Variants in DPH6 observed in about 807,000 individuals in gnomAD.
The protein encoded by DPH6 is diphthamine biosynthesis 6, also known as diphthine--ammonia ligase.
A neutral mutation model predicts 38.2 loss-of-function variants in DPH6; 33 were observed. The observed-to-expected ratio is 0.86, with a 90% CI of 0.65 to 1.15. The LOEUF (loss-of-function observed/expected upper bound fraction) is 1.15. DPH6 is among the 50% of genes most tolerant of loss of function. DPH6 has a pLI of 0.00. For synonymous variants in DPH6, 108 were observed against 103.0 expected, an observed-to-expected ratio of 1.05 and a Z score of -0.30; for missense variants, 325 against 320.0, an observed-to-expected ratio of 1.02 and a Z score of -0.12.
intron 3 of DPH6, among the ~76,000 whole-genome samples, chr15:35,476,881 G>A (rs2054270234): frequency 6.6e-6 from 1 of 151,818 alleles, no homozygotes; most frequent in Admixed American, 6.6e-5. Context: ...AAAATAGGCA[G>A]TAAAACACTG....
chr15:35,294,877 G>A (rs565943266), intron 3 of DPH6, among the ~76,000 whole-genome samples: 1 of 152,340 alleles, frequency 6.6e-6, no homozygotes, highest in South Asian at 2.1e-4. Context: ...TCAAAGAGAA[G>A]ACAAACAGCT....
chr15:35,351,457 CT>C (rs774854596), intron 3 of DPH6, among the ~76,000 whole-genome samples: 6 of 151,972 alleles, frequency 3.9e-5, no homozygotes, highest in Non-Finnish European at 7.4e-5. Context: ...TTAATTTTTT[CT>C]TTCTGTTTTG....
intron 3 of DPH6, among the ~76,000 whole-genome samples, chr15:35,260,668 A>G (rs923301995): frequency 6.6e-6 from 1 of 152,066 alleles, no homozygotes; most frequent in Non-Finnish European, 1.5e-5. Flanking sequence ...AAATTCAGAT[A>G]CAAATTTTCA....
intron 3 of DPH6, among the ~76,000 whole-genome samples, chr15:35,318,165 AG>A (rs915401952): frequency 1.3e-5 from 2 of 152,152 alleles, no homozygotes; most frequent in Non-Finnish European, 2.9e-5. Flanking sequence ...CTTAAATACA[AG>A]GATAGAGAAA....
chr15:35,328,855 G>C, downstream of DPH6, among the ~76,000 whole-genome samples: 1 of 152,258 alleles, frequency 6.6e-6, no homozygotes, highest in South Asian at 2.1e-4. Flanking sequence ...CACGTGGCTG[G>C]GGAAGCCTCA....
At chr15:35,425,788 C>CATAT (rs529568565) in intron 5 of DPH6, among the ~76,000 whole-genome samples, 1 of 140,498 alleles carries the variant, frequency 7.1e-6, no homozygotes, top group African/African-American at 2.7e-5. Flanking sequence ...CCATGTATAT[C>CATAT]ATATATATAT....
At chr15:35,500,088 G>A (rs566089351) in intron 3 of DPH6, among the ~76,000 whole-genome samples, 26 of 152,236 alleles carry the variant, frequency 1.7e-4, no homozygotes, top group African/African-American at 6.0e-4. Context: ...TCATGAATGA[G>A]GAATATTTTG....
intron 5 of DPH6, among the ~76,000 whole-genome samples, chr15:35,440,555 C>T (rs1423976497): frequency 6.6e-6 from 1 of 152,164 alleles, no homozygotes; most frequent in African/African-American, 2.4e-5. Context: ...CCCCCTCTGT[C>T]AGCAGTATGC....
intron 6 of DPH6, among the ~76,000 whole-genome samples, chr15:35,392,909 T>C (rs769908495): frequency 2.0e-5 from 3 of 152,144 alleles, no homozygotes; most frequent in African/African-American, 4.8e-5. Context: ...GAGCACATGA[T>C]AGGTACTAGA....
At chr15:35,436,132 T>A (rs1297982289) in intron 5 of DPH6, among the ~76,000 whole-genome samples, 1 of 151,500 alleles carries the variant, frequency 6.6e-6, no homozygotes, top group Non-Finnish European at 1.5e-5. Flanking sequence ...AGTCCCCTCA[T>A]TCCCTGGCCG....
intron 5 of DPH6, among the ~76,000 whole-genome samples, chr15:35,439,616 C>A (rs1358447071): frequency 6.6e-6 from 1 of 152,090 alleles, no homozygotes; most frequent in Non-Finnish European, 1.5e-5. Context: ...ATAGTAGATA[C>A]CCTGTCTACA....
intron 5 of DPH6, among the ~76,000 whole-genome samples, chr15:35,423,075 T>G (rs1483148799): frequency 6.6e-6 from 1 of 151,880 alleles, no homozygotes; most frequent in Non-Finnish European, 1.5e-5. Context: ...GGGTATATAC[T>G]CAGAAGTGTG....
chr15:35,207,200 C>A, the DPH6 span, among the ~76,000 whole-genome samples: 1 of 151,858 alleles, frequency 6.6e-6, no homozygotes, highest in African/African-American at 2.4e-5. Context: ...GTGTGTGCCA[C>A]CATGCCCAGC....
chr15:35,357,127 T>A (rs1223598452), intron 3 of DPH6, among the ~76,000 whole-genome samples: 2 of 152,250 alleles, frequency 1.3e-5, no homozygotes, highest in African/African-American at 4.8e-5. Flanking sequence ...CTAAGACTGT[T>A]GGAGAAGCGC....
At position 35,294,108 on chromosome 15, in the gene DPH6, G is replaced by A. The variant is rs976398341; in HGVS notation, n.201-73526C>T. ...CACTCCTCAAAGTGCCCTAGTTCCTGAATTGACTCCGTATATAGCCAGTTG... is the reference window on the plus strand; with the variant it reads ...CACTCCTCAAAGTGCCCTAGTTCCTAAATTGACTCCGTATATAGCCAGTTG... On this transcript the variant is annotated intron_variant and non_coding_transcript_variant, in intron 3 of 3. Coordinates refer to the DPH6 transcript ENST00000560386. Among the ~76,000 whole-genome samples, 28 of 152,104 alleles carry A rather than the reference G, an allele frequency of 1.8e-4. 1 individual carries two copies. The highest frequency in any genetic ancestry group is 6.3e-4 in the African/African-American group (26 of 41,444).
At chr15:35,169,694 C>T in the DPH6 span, 2 of 152,112 alleles carry the variant, frequency 1.3e-5, no homozygotes, top group Admixed American at 1.3e-4. Context: ...GCCTTCCTCT[C>T]TTTGTTGCAA....
At chr15:35,415,707 C>T (rs570333734) in intron 5 of DPH6, among the ~76,000 whole-genome samples, 2 of 152,108 alleles carry the variant, frequency 1.3e-5, no homozygotes, top group African/African-American at 4.8e-5. Flanking sequence ...CATTTAAACA[C>T]TTTTCTGTAT....
At chr15:35,254,388 A>G (rs987263090) in intron 3 of DPH6, among the ~76,000 whole-genome samples, 1 of 152,244 alleles carries the variant, frequency 6.6e-6, no homozygotes, top group Admixed American at 6.5e-5. Flanking sequence ...GGGAAGCTGA[A>G]TCATTTCAAT....
intron 5 of DPH6, among the ~76,000 whole-genome samples, chr15:35,435,774 G>C (rs1468096675): frequency 2.0e-5 from 3 of 152,052 alleles, no homozygotes; most frequent in Non-Finnish European, 4.4e-5. Context: ...GGGCATATGA[G>C]GAGGGGTGAG....
Sources: gnomAD v4.1 joint callset for allele counts (sites outside exome capture counted in the v4.1 genomes callset) on GRCh38, gnomAD v4.1.1 for gene constraint, MANE v1.5 for transcripts, NCBI Gene and HGNC (gene_info 2026-07-23, HGNC 2026-07-21) for gene names.